Variants in MBNL2 observed in about 807,000 individuals in gnomAD.
MBNL2 encodes muscleblind like splicing regulator 2, also known as muscleblind-like protein 2.
Under a neutral mutation model 41.9 loss-of-function variants are expected in MBNL2, and 17 were observed. The observed-to-expected ratio is 0.41, with a 90% confidence interval of 0.28 to 0.61. The LOEUF (loss-of-function observed/expected upper bound fraction) is 0.61. Among genes scored for constraint, MBNL2 ranks in the 20% least tolerant of loss-of-function variants. The pLI, the probability that MBNL2 is intolerant of heterozygous loss-of-function variation, is 0.35. For synonymous variants in MBNL2, 195 were observed against 182.9 expected, an observed-to-expected ratio of 1.07 and a Z score of -0.53; for missense variants, 336 against 505.6, an observed-to-expected ratio of 0.66 and a Z score of 3.22.
intron 2 of MBNL2, among the ~76,000 whole-genome samples, chr13:97,305,626 G>A (rs2058051915): frequency 1.3e-5 from 2 of 151,968 alleles, no homozygotes; most frequent in African/African-American, 2.4e-5. Flanking sequence ...TTAGCTGGAT[G>A]TGGTGGCACG....
At chr13:97,187,906 CA>C in the MBNL2 span, among the ~76,000 whole-genome samples, 452 of 121,742 alleles carry the variant, frequency 3.7e-3, 3 homozygotes, top group African/African-American at 0.014. Flanking sequence ...GACTTCGTCT[CA>C]AAAAAAAAAA....
chr13:97,282,102 A>G (rs2053549527), intron 2 of MBNL2, among the ~76,000 whole-genome samples: 1 of 151,880 alleles, frequency 6.6e-6, no homozygotes, highest in Admixed American at 6.6e-5. Flanking sequence ...CTGTAGTCCC[A>G]GCACTTTGGG....
Position 97,366,239 on chromosome 13 carries a change from A to C in MBNL2, c.1048+1068A>C, listed in dbSNP as rs2063831042. ...GCTTTGGCCTTTCTGGGAATCACTGATTATGTTTTAAAACTTCCTTTAATT... is the reference window on the plus strand; with the variant it reads ...GCTTTGGCCTTTCTGGGAATCACTGCTTATGTTTTAAAACTTCCTTTAATT... On this transcript the variant is annotated intron_variant, in intron 8 of 8. Coordinates refer to ENST00000679496, the MANE Select transcript of MBNL2 (RefSeq NM_001382683.1). This position sits in a 1 kb window ranked among gnomAD's most constrained non-coding sequence, Gnocchi z 4.7. Among the ~76,000 whole-genome samples, 1 of 152,170 alleles carries C rather than the reference A, an allele frequency of 6.6e-6. No homozygotes were observed. Among genetic ancestry groups the C allele is most frequent in the Admixed American group, 6.5e-5 (1 of 15,282 alleles).
chr13:97,246,815 C>T (rs75715290), intron 1 of MBNL2, among the ~76,000 whole-genome samples: 2,914 of 152,252 alleles, frequency 0.019, 83 homozygotes, highest in African/African-American at 0.067. Context: ...ACATGGATAT[C>T]GGCTTTATGA....
intron 5 of MBNL2, among the ~76,000 whole-genome samples, chr13:97,351,255 A>G (rs2062423761): frequency 6.6e-6 from 1 of 152,236 alleles, no homozygotes; most frequent in Non-Finnish European, 1.5e-5. Context: ...GTAAATACAT[A>G]TACTGTCATC....
intron 1 of MBNL2, among the ~76,000 whole-genome samples, chr13:97,244,172 C>T (rs2044944314): frequency 6.6e-6 from 1 of 152,152 alleles, no homozygotes; most frequent in Admixed American, 6.5e-5. Context: ...TGTAAAATTC[C>T]AATGTGATTC....
intron 1 of MBNL2, among the ~76,000 whole-genome samples, chr13:97,261,260 T>C (rs1231136044): frequency 1.3e-5 from 2 of 152,088 alleles, no homozygotes; most frequent in East Asian, 1.9e-4. Context: ...ACTTCTGACA[T>C]CATTCACTGC....
chr13:97,321,645 G>A (rs1203134235), intron 2 of MBNL2, among the ~76,000 whole-genome samples: 1 of 152,200 alleles, frequency 6.6e-6, no homozygotes, highest in Non-Finnish European at 1.5e-5. Flanking sequence ...AAATCTCTCT[G>A]AGCCTCATTT....
At chr13:97,156,012 A>C in the MBNL2 span, among the ~76,000 whole-genome samples, 12 of 107,150 alleles carry the variant, frequency 1.1e-4, no homozygotes, top group South Asian at 4.1e-4. Flanking sequence ...CAGTCCCACC[A>C]ACAGTGTAAA....
the MBNL2 span, among the ~76,000 whole-genome samples, chr13:97,177,503 G>A: frequency 6.6e-6 from 1 of 152,006 alleles, no homozygotes; most frequent in South Asian, 2.1e-4. Flanking sequence ...AAAGTCCAGG[G>A]TAAAGTACAA....
the MBNL2 span, among the ~76,000 whole-genome samples, chr13:97,162,951 G>A: frequency 1.3e-5 from 2 of 152,096 alleles, no homozygotes; most frequent in African/African-American, 4.8e-5. Context: ...TGTTTCCTAG[G>A]AACCAGATTC....
intron 1 of MBNL2, among the ~76,000 whole-genome samples, chr13:97,265,685 G>A (rs1566376330): frequency 6.6e-6 from 1 of 152,118 alleles, no homozygotes; most frequent in South Asian, 2.1e-4. Context: ...GCATGTGGAT[G>A]TCTCAAGAAC....
At chr13:97,310,343 T>G (rs2058477545) in intron 2 of MBNL2, among the ~76,000 whole-genome samples, 1 of 152,248 alleles carries the variant, frequency 6.6e-6, no homozygotes, top group East Asian at 1.9e-4. Flanking sequence ...TGTGAAGTTT[T>G]ATGTTAGATA....
intron 8 of MBNL2, among the ~76,000 whole-genome samples, chr13:97,375,122 G>C (rs1336141637): frequency 1.3e-5 from 2 of 152,126 alleles, no homozygotes; most frequent in Non-Finnish European, 2.9e-5. Flanking sequence ...CAAGACTGAG[G>C]CTCCACTTAC....
At chr13:97,277,125 T>C (rs1188080196) in intron 2 of MBNL2, among the ~76,000 whole-genome samples, 2 of 152,160 alleles carry the variant, frequency 1.3e-5, no homozygotes, top group Non-Finnish European at 2.9e-5. Flanking sequence ...AACAGACTGT[T>C]TCAAGAAATG....
intron 1 of MBNL2, among the ~76,000 whole-genome samples, chr13:97,271,678 C>A (rs7333604): frequency 0.68 from 103,288 of 151,834 alleles, 35,372 homozygotes; most frequent in African/African-American, 0.75. Context: ...GAGAACATGC[C>A]GTATTTGGTT....
At chr13:97,324,953 A>G (rs975002849) in intron 2 of MBNL2, among the ~76,000 whole-genome samples, 1 of 152,192 alleles carries the variant, frequency 6.6e-6, no homozygotes, top group African/African-American at 2.4e-5. Context: ...GTGCCCACCC[A>G]GATTGAGGGT....
At chr13:97,266,772 C>T (rs931424038) in intron 1 of MBNL2, among the ~76,000 whole-genome samples, 6 of 151,788 alleles carry the variant, frequency 4.0e-5, no homozygotes, top group Non-Finnish European at 8.8e-5. Flanking sequence ...TCAGAGATTC[C>T]GAAAATTAGA....
intron 2 of MBNL2, among the ~76,000 whole-genome samples, chr13:97,283,525 G>A (rs2053834791): frequency 6.6e-6 from 1 of 152,082 alleles, no homozygotes; most frequent in Non-Finnish European, 1.5e-5. Context: ...TGTTTTTCAG[G>A]TTGTAAGGAA....
Sources: gnomAD v4.1 joint callset for allele counts (sites outside exome capture counted in the v4.1 genomes callset) on GRCh38, gnomAD v4.1.1 for gene constraint, Gnocchi (gnomAD v3.1) non-coding constraint, MANE v1.5 for transcripts, NCBI Gene and HGNC (gene_info 2026-07-23, HGNC 2026-07-21) for gene names.